TUBB6: variants seen among roughly 807,000 people sequenced by gnomAD.
TUBB6 encodes tubulin beta-6 chain.
A neutral mutation model predicts 32.3 loss-of-function variants in TUBB6; 18 were observed. The ratio of observed to expected loss-of-function variants is 0.56; its 90% CI spans 0.39 to 0.83. The LOEUF (loss-of-function observed/expected upper bound fraction) is 0.83, where lower values mean the gene tolerates loss of function less well. Ranked by LOEUF, TUBB6 falls within the 40% of genes least tolerant of loss-of-function variation. The probability of loss-of-function intolerance (pLI) is 0.00; values close to 1 mark genes in which losing one functional copy is unlikely to be tolerated. For synonymous variants in TUBB6, 280 were observed against 265.8 expected, an observed-to-expected ratio of 1.05 and a Z score of -0.52; for missense variants, 480 against 632.0, an observed-to-expected ratio of 0.76 and a Z score of 2.58.
intron 3 of TUBB6, among the ~76,000 whole-genome samples, chr18:12,312,511 G>A (rs1268031218): frequency 6.6e-6 from 1 of 152,142 alleles, no homozygotes; most frequent in East Asian, 1.9e-4. Context: ...TTAGTGAGAT[G>A]TAAGGATTAA....
intron 3 of TUBB6, among the ~76,000 whole-genome samples, chr18:12,318,164 A>G (rs1402553580): frequency 6.6e-6 from 1 of 151,808 alleles, no homozygotes; most frequent in African/African-American, 2.4e-5. Flanking sequence ...TTCCTTTGTA[A>G]AATGTGACAG....
At chr18:12,314,777 A>T (rs938581178) in intron 3 of TUBB6, among the ~76,000 whole-genome samples, 2 of 152,214 alleles carry the variant, frequency 1.3e-5, no homozygotes, top group East Asian at 3.8e-4. Flanking sequence ...GTGGCTGAGA[A>T]TTAATTTTAG....
At chr18:12,317,224 G>A (rs1167382739) in intron 3 of TUBB6, among the ~76,000 whole-genome samples, 1 of 152,102 alleles carries the variant, frequency 6.6e-6, no homozygotes, top group African/African-American at 2.4e-5. Flanking sequence ...CACTTTGGGA[G>A]GCTGAGGCAA....
At chr18:12,313,748 T>G (rs1341131753) in intron 3 of TUBB6, among the ~76,000 whole-genome samples, 5 of 152,242 alleles carry the variant, frequency 3.3e-5, no homozygotes, top group Non-Finnish European at 7.3e-5. Context: ...AACTACTTAG[T>G]AGATTGAGCA....
intron 3 of TUBB6, among the ~76,000 whole-genome samples, chr18:12,312,999 CAAAAAAAA>C (rs59962916): frequency 1.3e-4 from 14 of 106,574 alleles, no homozygotes; most frequent in African/African-American, 5.3e-4. Context: ...AATTCTATCT[CAAAAAAAA>C]AAAAAAAAAG....
chr18:12,319,095 G>A (rs1906829658), intron 3 of TUBB6, among the ~76,000 whole-genome samples: 2 of 151,444 alleles, frequency 1.3e-5, no homozygotes, highest in South Asian at 4.2e-4. Context: ...CGAGTGTGTA[G>A]ACAGTTGTGC....
At chr18:12,321,890 G>A (rs2144158798) in intron 3 of TUBB6, among the ~76,000 whole-genome samples, 1 of 152,328 alleles carries the variant, frequency 6.6e-6, no homozygotes, top group Admixed American at 6.5e-5. Context: ...GAGTGAGAGT[G>A]TATTTAGTAA....
intron 3 of TUBB6, among the ~76,000 whole-genome samples, chr18:12,320,997 T>C (rs1708565289): frequency 6.6e-6 from 1 of 152,324 alleles, no homozygotes; most frequent in South Asian, 2.1e-4. Flanking sequence ...TGGATCTCTG[T>C]CAGTTTCACA....
intron 3 of TUBB6, among the ~76,000 whole-genome samples, chr18:12,322,931 A>G (rs983176780): frequency 6.6e-6 from 1 of 152,216 alleles, no homozygotes; most frequent in East Asian, 1.9e-4. Context: ...ACAGAAGAAG[A>G]GTTTTTTAAA....
intron 3 of TUBB6, among the ~76,000 whole-genome samples, chr18:12,321,064 G>A (rs563391902): frequency 1.3e-5 from 2 of 152,304 alleles, no homozygotes; most frequent in Admixed American, 6.5e-5. Context: ...GAAGGGTTTA[G>A]CATTATTTCC....
intron 2 of TUBB6, among the ~76,000 whole-genome samples, chr18:12,309,466 G>C (rs1195606787): frequency 7.2e-6 from 1 of 138,046 alleles, no homozygotes; most frequent in African/African-American, 2.7e-5. Flanking sequence ...TTTGAGAAAC[G>C]CTCTCTTAAG....
chr18:12,308,575 C>T (rs1199509257), intron 1 of TUBB6, 112 bp from the exon 2 acceptor site: 10 of 844,866 alleles, frequency 1.2e-5, no homozygotes, highest in Non-Finnish European at 1.8e-5. Flanking sequence ...CGGCTGCCGG[C>T]GGCTCAGGCG....
chr18:12,318,062 G>A lies in TUBB6; in HGVS notation c.278-7005G>A, dbSNP rs150305426. Among the ~76,000 whole-genome samples the A allele has an allele frequency of 1.8e-4, 28 of 152,250 alleles. No homozygotes were observed. In the East Asian group the frequency reaches 5.4e-3, roughly 29 times the overall value. On this transcript the variant is annotated intron_variant, in intron 3 of 3. Transcript: ENST00000317702. ...CAGGTCTGATTGATTGGGGTTCTAT[G>A]TTTGCCAAAAGCCACCTACTATTTT...
downstream of TUBB6, chr18:12,329,356 C>A: frequency 3.0e-6 from 2 of 672,694 alleles, no homozygotes; most frequent in Admixed American, 2.2e-5. Context: ...GGACAGTGTG[C>A]ATTTCCCTCA....
At chr18:12,324,611 C>T (rs1907171652) in intron 3 of TUBB6, among the ~76,000 whole-genome samples, 1 of 151,678 alleles carries the variant, frequency 6.6e-6, no homozygotes, top group Non-Finnish European at 1.5e-5. Flanking sequence ...CCACCACGCC[C>T]GGCTGATTTT....
intron 1 of TUBB6, 77 bp from the exon 2 acceptor site, chr18:12,308,610 G>T: frequency 8.7e-7 from 1 of 1,146,570 alleles, no homozygotes; most frequent in Non-Finnish European, 1.3e-6. Flanking sequence ...CCGCCGGGGC[G>T]CCTGGGGTGG....
intron 3 of TUBB6, among the ~76,000 whole-genome samples, chr18:12,321,853 A>G (rs1295175941): frequency 6.6e-6 from 1 of 152,246 alleles, no homozygotes; most frequent in African/African-American, 2.4e-5. Flanking sequence ...CTCTAAGTAT[A>G]CTGGAATAAA....
At chr18:12,320,156 A>G (rs1397209652) in intron 3 of TUBB6, among the ~76,000 whole-genome samples, 2 of 151,436 alleles carry the variant, frequency 1.3e-5, no homozygotes, top group Non-Finnish European at 2.9e-5. Context: ...TGAGCCCAGG[A>G]GTTGGAGGCT....
chr18:12,325,592 C>T lies in TUBB6; in HGVS notation c.803C>T (p.Pro268Leu). The T allele has an allele frequency of 6.2e-7, 1 of 1,613,956 alleles. No individual in the cohort carries two copies. The highest frequency in any genetic ancestry group is 8.5e-7 in the Non-Finnish European group (1 of 1,179,990). Reference sequence around the variant, plus strand: ...TTCCCGCGCCTGCACTTCTTCATGCCTGGCTTCGCGCCGCTCACCAGCCGC... The same window carrying T: ...TTCCCGCGCCTGCACTTCTTCATGCTTGGCTTCGCGCCGCTCACCAGCCGC... ...VPFPRLHFFM[P>L]GFAPLTSRGS... The change falls in exon 4 of 4, where the codon CCT becomes CTT. Residue 268 changes from proline (P) to leucine (L), a missense_variant. Transcript: ENST00000317702.
Sources: allele counts gnomAD v4.1 joint callset (sites outside exome capture counted in the v4.1 genomes callset), GRCh38; gene constraint gnomAD v4.1.1; transcripts MANE v1.5; gene names NCBI Gene and HGNC (gene_info 2026-07-23, HGNC 2026-07-21).